TMCO5A: variants seen among roughly 807,000 people sequenced by gnomAD.
TMCO5A encodes transmembrane and coiled-coil domains 5A, also known as transmembrane and coiled-coil domain-containing protein 5A.
TMCO5A carries 34 observed loss-of-function variants against 42.3 expected under a neutral mutation model. That is an observed-to-expected ratio of 0.80 (90% CI 0.61 to 1.07). TMCO5A has a LOEUF of 1.07. Among genes scored for constraint, TMCO5A ranks in the 50% least tolerant of loss-of-function variants. TMCO5A has a pLI of 0.00. For missense variants in TMCO5A, 357 were observed against 327.9 expected, an observed-to-expected ratio of 1.09 and a Z score of -0.69; for synonymous variants, 131 against 115.6, an observed-to-expected ratio of 1.13 and a Z score of -0.86.
the TMCO5A span, among the ~76,000 whole-genome samples, chr15:38,026,536 A>G: frequency 6.6e-6 from 1 of 152,320 alleles, no homozygotes; most frequent in South Asian, 2.1e-4. Context: ...GTTTGGAAAA[A>G]TTGCAGCCTG....
chr15:37,954,694 T>C (rs1243283833), downstream of TMCO5A, among the ~76,000 whole-genome samples: 2 of 152,006 alleles, frequency 1.3e-5, no homozygotes, highest in African/African-American at 4.8e-5. Flanking sequence ...CTACCTTAAG[T>C]AGGAAAACTA....
At chr15:37,980,637 C>CAAAAAAAAAA in the TMCO5A span, among the ~76,000 whole-genome samples, 1 of 83,146 alleles carries the variant, frequency 1.2e-5, no homozygotes, top group Non-Finnish European at 2.2e-5. Context: ...GCCATCTTGG[C>CAAAAAAAAAA]AAAAAAAAAA....
At chr15:38,032,557 A>G in the TMCO5A span, among the ~76,000 whole-genome samples, 1 of 152,184 alleles carries the variant, frequency 6.6e-6, no homozygotes, top group Non-Finnish European at 1.5e-5. Flanking sequence ...GCAGTTGGTC[A>G]TTTATAATTA....
chr15:37,980,030 G>T, the TMCO5A span, among the ~76,000 whole-genome samples: 1 of 152,180 alleles, frequency 6.6e-6, no homozygotes, highest in Non-Finnish European at 1.5e-5. Context: ...GCTCCCTCCT[G>T]AGTCTGAGGG....
the TMCO5A span, among the ~76,000 whole-genome samples, chr15:38,003,521 G>T: frequency 6.6e-6 from 1 of 152,138 alleles, no homozygotes; most frequent in Non-Finnish European, 1.5e-5. Flanking sequence ...GTCCAGAGAT[G>T]TCATCCAGGA....
At chr15:37,994,681 G>A in the TMCO5A span, 1 of 152,148 alleles carries the variant, frequency 6.6e-6, no homozygotes, top group Admixed American at 6.5e-5. Context: ...AGCTTCACAT[G>A]TGCCTAAAAA....
chr15:38,033,033 T>C, the TMCO5A span, among the ~76,000 whole-genome samples: 1 of 151,392 alleles, frequency 6.6e-6, no homozygotes, highest in Non-Finnish European at 1.5e-5. Flanking sequence ...GTTCACGCCA[T>C]TCTCCTGCCT....
intron 11 of TMCO5A, among the ~76,000 whole-genome samples, chr15:37,956,492 A>C (rs1371269142): frequency 6.6e-6 from 1 of 152,246 alleles, no homozygotes; most frequent in African/African-American, 2.4e-5. Context: ...AAAATCTAGA[A>C]GAAATGGATA....
At chr15:38,011,981 T>G in the TMCO5A span, among the ~76,000 whole-genome samples, 32,448 of 151,890 alleles carry the variant, frequency 0.21, 3,619 homozygotes, top group Middle Eastern at 0.34. Context: ...AAAAGTAGCC[T>G]GGCGCAGTGC....
At chr15:37,950,090 ACCTTTATGGTGT>A (rs1890106980) in intron 11 of TMCO5A, among the ~76,000 whole-genome samples, 1 of 152,142 alleles carries the variant, frequency 6.6e-6, no homozygotes, top group East Asian at 1.9e-4. Flanking sequence ...AAACTGCAAT[ACCTTTATGGTGT>A]AATCTAGGAA....
the TMCO5A span, among the ~76,000 whole-genome samples, chr15:37,986,857 C>T: frequency 6.6e-6 from 1 of 151,952 alleles, no homozygotes; most frequent in Admixed American, 6.6e-5. Context: ...GTGAATAATG[C>T]TGCTATGAAC....
intron 11 of TMCO5A, among the ~76,000 whole-genome samples, chr15:37,961,097 G>C (rs1169241389): frequency 6.6e-6 from 1 of 151,908 alleles, no homozygotes; most frequent in Non-Finnish European, 1.5e-5. Context: ...TTGGGTTCTT[G>C]GTCAGGAAAT....
intron 7 of TMCO5A, 53 bp from the exon 8 acceptor site, chr15:37,941,618 G>C (rs1257142827): frequency 1.5e-6 from 2 of 1,313,020 alleles, no homozygotes; most frequent in Non-Finnish European, 2.2e-6. Context: ...GTATGCTTGT[G>C]TTCTTATAGC....
chr15:37,962,576 T>C (rs958512302), intron 11 of TMCO5A, among the ~76,000 whole-genome samples: 1 of 152,148 alleles, frequency 6.6e-6, no homozygotes, highest in African/African-American at 2.4e-5. Context: ...GGATGGGGGT[T>C]CCCTCTTTAT....
the TMCO5A span, among the ~76,000 whole-genome samples, chr15:38,011,997 G>A: frequency 6.6e-6 from 1 of 152,072 alleles, no homozygotes; most frequent in African/African-American, 2.4e-5. Flanking sequence ...AGTGCCGGGT[G>A]CCTGTAGTCC....
chr15:38,029,809 T>C, the TMCO5A span, among the ~76,000 whole-genome samples: 1 of 152,158 alleles, frequency 6.6e-6, no homozygotes, highest in Non-Finnish European at 1.5e-5. Flanking sequence ...ACTGAGAAAC[T>C]TGAAGAGAAA....
intron 2 of TMCO5A, 80 bp from the exon 3 acceptor site, chr15:37,936,234 T>C (rs558728987): frequency 2.5e-5 from 38 of 1,503,506 alleles, no homozygotes; most frequent in Non-Finnish European, 3.2e-5. Flanking sequence ...ACTAGATGTG[T>C]TCTAAATACC....
At chr15:38,008,404 A>G in the TMCO5A span, among the ~76,000 whole-genome samples, 1 of 152,108 alleles carries the variant, frequency 6.6e-6, no homozygotes, top group Non-Finnish European at 1.5e-5. Context: ...GGAAGGGGGA[A>G]ATCAACATTT....
chr15:37,989,552 G>A, the TMCO5A span, among the ~76,000 whole-genome samples: 2 of 151,738 alleles, frequency 1.3e-5, no homozygotes, highest in Admixed American at 6.6e-5. Flanking sequence ...TTTCATCTTG[G>A]ATACATTGGT....
Sources: gnomAD v4.1 joint callset for allele counts (sites outside exome capture counted in the v4.1 genomes callset) on GRCh38, gnomAD v4.1.1 for gene constraint, MANE v1.5 for transcripts, NCBI Gene and HGNC (gene_info 2026-07-23, HGNC 2026-07-21) for gene names.